UNC13C: variants seen among roughly 807,000 people sequenced by gnomAD.
UNC13C encodes protein unc-13 homolog C.
In UNC13C, 174 loss-of-function variants were observed where a neutral mutation model predicts 245.4. The observed-to-expected ratio is 0.71, with a 90% CI of 0.63 to 0.80. The LOEUF (loss-of-function observed/expected upper bound fraction) is 0.80. Among genes scored for constraint, UNC13C ranks in the 30% least tolerant of loss-of-function variants. UNC13C has a pLI of 0.00. For synonymous variants in UNC13C, 992 were observed against 895.1 expected, an observed-to-expected ratio of 1.11 and a Z score of -1.93; for missense variants, 2,829 against 2,602.9, an observed-to-expected ratio of 1.09 and a Z score of -1.89.
intron 13 of UNC13C, among the ~76,000 whole-genome samples, chr15:54,317,275 G>T (rs1197662779): frequency 6.6e-6 from 1 of 151,846 alleles, no homozygotes; most frequent in Non-Finnish European, 1.5e-5. Context: ...TAAACGTGTG[G>T]TGAAGATTGT....
At chr15:54,171,025 C>T (rs1324151217) in intron 4 of UNC13C, among the ~76,000 whole-genome samples, 1 of 152,106 alleles carries the variant, frequency 6.6e-6, no homozygotes, top group African/African-American at 2.4e-5. Context: ...TGCAGTAAAA[C>T]AAGCCCTTTT....
the UNC13C span, among the ~76,000 whole-genome samples, chr15:53,899,853 T>C: frequency 6.6e-6 from 1 of 152,144 alleles, no homozygotes; most frequent in Non-Finnish European, 1.5e-5. Context: ...GCTTCTGAGA[T>C]GGTTCCTTTT....
At chr15:54,350,057 A>G (rs374396272) in intron 17 of UNC13C, among the ~76,000 whole-genome samples, 11 of 151,998 alleles carry the variant, frequency 7.2e-5, no homozygotes, top group African/African-American at 2.7e-4. Context: ...AGTGGCACGA[A>G]CTGGGCTCAC....
At chr15:54,254,867 G>A (rs1027411434) in intron 8 of UNC13C, among the ~76,000 whole-genome samples, 26 of 152,174 alleles carry the variant, frequency 1.7e-4, no homozygotes, top group African/African-American at 6.3e-4. Flanking sequence ...CCCTGAATTT[G>A]AGACATTCTA....
At chr15:54,043,826 G>A (rs1253894796) in intron 2 of UNC13C, among the ~76,000 whole-genome samples, 2 of 152,136 alleles carry the variant, frequency 1.3e-5, no homozygotes, top group African/African-American at 4.8e-5. Flanking sequence ...TCTATTGACA[G>A]GTGGCATTAT....
chr15:54,082,963 G>A (rs1415578828), intron 2 of UNC13C, among the ~76,000 whole-genome samples: 1 of 152,062 alleles, frequency 6.6e-6, no homozygotes, highest in Non-Finnish European at 1.5e-5. Context: ...CGGGTGTGGA[G>A]GTCTCAGGGA....
At chr15:54,567,304 A>G (rs1897557948) in intron 29 of UNC13C, among the ~76,000 whole-genome samples, 1 of 152,172 alleles carries the variant, frequency 6.6e-6, no homozygotes, top group African/African-American at 2.4e-5. Context: ...GTTGGCCTAT[A>G]TCTGCACCAC....
intron 4 of UNC13C, among the ~76,000 whole-genome samples, chr15:54,157,811 C>G (rs564172779): frequency 1.3e-5 from 2 of 152,286 alleles, no homozygotes; most frequent in South Asian, 4.2e-4. Flanking sequence ...CTACAAACAT[C>G]TGATCTTTGA....
At chr15:54,235,374 A>C (rs2035665006) in intron 5 of UNC13C, among the ~76,000 whole-genome samples, 1 of 152,204 alleles carries the variant, frequency 6.6e-6, no homozygotes, top group African/African-American at 2.4e-5. Flanking sequence ...GCAAAAAGAA[A>C]TCACACAGCA....
chr15:54,452,222 G>A (rs527709848), intron 19 of UNC13C, among the ~76,000 whole-genome samples: 1 of 152,308 alleles, frequency 6.6e-6, no homozygotes, highest in East Asian at 1.9e-4. Context: ...ATATTGGCAG[G>A]TCCAGGAGGG....
At chr15:53,844,506 C>A in the UNC13C span, among the ~76,000 whole-genome samples, 1 of 152,050 alleles carries the variant, frequency 6.6e-6, no homozygotes, top group African/African-American at 2.4e-5. Flanking sequence ...ATAAGGTCAT[C>A]TGTGTATTTG....
intron 1 of UNC13C, among the ~76,000 whole-genome samples, chr15:54,008,882 T>C (rs1895257063): frequency 6.6e-6 from 1 of 152,234 alleles, no homozygotes; most frequent in Non-Finnish European, 1.5e-5. Context: ...TGTATCTCTT[T>C]ATCTCTTTGA....
chr15:53,891,007 A>G, the UNC13C span, among the ~76,000 whole-genome samples: 1 of 152,182 alleles, frequency 6.6e-6, no homozygotes. Context: ...ATTTAGTGCT[A>G]CAAATTTCCC....
the UNC13C span, among the ~76,000 whole-genome samples, chr15:53,860,347 G>A: frequency 6.6e-6 from 1 of 152,134 alleles, no homozygotes; most frequent in Non-Finnish European, 1.5e-5. Context: ...AGGATATTTT[G>A]AGGATCCTCA....
At chr15:54,052,965 G>T (rs937225024) in intron 2 of UNC13C, among the ~76,000 whole-genome samples, 2 of 152,106 alleles carry the variant, frequency 1.3e-5, no homozygotes, top group Non-Finnish European at 2.9e-5. Flanking sequence ...AATAAATTTA[G>T]AAATCCAGTT....
At chr15:54,623,653 A>G in intron 31 of UNC13C, 142 bp from the exon 32 acceptor site, 1 of 724,142 alleles carries the variant, frequency 1.4e-6, no homozygotes, top group Non-Finnish European at 2.2e-6. Flanking sequence ...AGAAAATTGT[A>G]TTTTATTGTC....
chr15:54,195,726 AAAGTGGTTTTGTTGT>A (rs2034331831), intron 4 of UNC13C, among the ~76,000 whole-genome samples: 1 of 152,124 alleles, frequency 6.6e-6, no homozygotes, highest in Non-Finnish European at 1.5e-5. Flanking sequence ...AATGTTTAGC[AAAGTGGTTTTGTTGT>A]AAGTGGTATA....
chr15:53,890,851 G>T, the UNC13C span, among the ~76,000 whole-genome samples: 2 of 151,906 alleles, frequency 1.3e-5, no homozygotes, highest in South Asian at 2.1e-4. Context: ...GGTTTTTTGT[G>T]TCTTTATCTC....
chr15:54,622,393 C>T lies in UNC13C; in HGVS notation c.6173C>T (p.Thr2058Met), dbSNP rs201637437. The T allele has an allele frequency of 3.3e-4, 540 of 1,612,882 alleles. No individual in the cohort carries two copies. The highest frequency in any genetic ancestry group is 4.2e-4 in the Non-Finnish European group (499 of 1,179,304). ...VHVDITATPG[T>M]GDHKVTVKVI... ...GTGGACATCACTGCCACCCCAGGAACGGGAGATCATAAAGTCACTGTAAAA... is the reference window on the plus strand; with the variant it reads ...GTGGACATCACTGCCACCCCAGGAATGGGAGATCATAAAGTCACTGTAAAA... Residue 2058 changes from threonine to methionine, a missense_variant, in exon 31 of 33, where the codon ACG (threonine) becomes ATG (methionine). Thr to Met is a moderately conservative substitution (Grantham distance 81). Coordinates refer to ENST00000260323, the MANE Select transcript of UNC13C (RefSeq NM_001080534.3).
Sources: gnomAD v4.1 joint callset for allele counts (sites outside exome capture counted in the v4.1 genomes callset) on GRCh38, gnomAD v4.1.1 for gene constraint, MANE v1.5 for transcripts, NCBI Gene and HGNC (gene_info 2026-07-23, HGNC 2026-07-21) for gene names.